The following IGSF22 variants were observed in gnomAD, a reference collection of about 807,000 sequenced individuals.
IGSF22 encodes the protein immunoglobulin superfamily, member 22.
IGSF22 carries 119 observed loss-of-function variants against 127.0 expected under a neutral mutation model. That is an observed-to-expected ratio of 0.94 (90% CI 0.81 to 1.09). The LOEUF (loss-of-function observed/expected upper bound fraction) is 1.09, where lower values mean the gene tolerates loss of function less well. Among genes scored for constraint, IGSF22 ranks in the 50% least tolerant of loss-of-function variants. The probability of loss-of-function intolerance (pLI) is 0.00; values close to 1 mark genes in which losing one functional copy is unlikely to be tolerated. For synonymous variants in IGSF22, 568 were observed against 664.7 expected (o/e 0.85, Z 2.24); for missense variants, 1,518 against 1,716.6 (o/e 0.88, Z 2.04).
chr11:18,722,068 TG>T (rs1848584747), intron 2 of IGSF22, 27 bp from the exon 3 acceptor site: 3 of 1,612,818 alleles, frequency 1.9e-6, no homozygotes, highest in Non-Finnish European at 2.5e-6. Flanking sequence ...GAGGTCAGAA[TG>T]GGCTCCAGGT....
At position 18,715,460 on chromosome 11, in the gene IGSF22, G is replaced by C; in HGVS notation, c.1503C>G (p.Tyr501Ter). 6.2e-7 allele frequency: 1 copy of C among 1,613,160 alleles called. No individual in the cohort carries two copies. Among genetic ancestry groups the C allele is most frequent in the Non-Finnish European group, 8.5e-7 (1 of 1,179,882 alleles). ...VAMQDGDPTE[Y>*]YSTAIVTVEE... ...CCACAGTGACGATGGCAGTACTGTA[G>C]TATTCAGTAGGGTCTCCATCCTGCA... The change falls in exon 11 of 23, where the codon TAC becomes TAG. Residue 501 changes from tyrosine (Y) to a stop codon, truncating the protein, a stop_gained. Transcript: ENST00000513874. LOFTEE classifies it high-confidence loss of function.
Position 18,714,638 on chromosome 11 carries a change from TG to T in IGSF22, c.1532-15del. On this transcript the variant is annotated splice_polypyrimidine_tract_variant and intron_variant, in intron 11 of 22. Transcript: ENST00000513874. ...TGGCCAGACGCTCTGGGGAGAAAGG[TG>T]GGCAAGGGACTGGCTCAGGATGTTG... 1 of 1,613,340 alleles carries T rather than the reference TG, an allele frequency of 6.2e-7. No homozygotes were observed. The highest frequency in any genetic ancestry group is 1.1e-5 in the South Asian group (1 of 91,062).
Position 18,710,344 on chromosome 11 carries a change from A to G in IGSF22, c.2684T>C (p.Val895Ala). ...ATACTCACTAACAGGATCCTTGGCC[A>G]CTACTGAGCTGGATGGCACACTGGG... ...GQPSVPSSSV[V>A]AKDPVKPPGL... Residue 895 changes from valine to alanine, a missense_variant, in exon 17 of 23, where the codon GTG (valine) becomes GCG (alanine). Val to Ala is a moderately conservative substitution (Grantham distance 64, BLOSUM62 0). Coordinates refer to ENST00000513874, the MANE Select transcript of IGSF22 (RefSeq NM_173588.4). 6.2e-7 allele frequency: 1 copy of G among 1,614,140 alleles called. No homozygotes were observed. The highest frequency in any genetic ancestry group is 8.5e-7 in the Non-Finnish European group (1 of 1,180,004).
intron 4 of IGSF22, among the ~76,000 whole-genome samples, chr11:18,721,299 C>T (rs1848566800): frequency 6.6e-6 from 1 of 152,260 alleles, no homozygotes; most frequent in Admixed American, 6.5e-5. Context: ...GGCTCTGCCC[C>T]TGCTCTGCTC....
intron 2 of IGSF22, among the ~76,000 whole-genome samples, chr11:18,723,599 C>T (rs1848607016): frequency 6.6e-6 from 1 of 152,244 alleles, no homozygotes; most frequent in African/African-American, 2.4e-5. Context: ...AGCTCTGAGA[C>T]CATTTCTCAG....
intron 3 of IGSF22, 78 bp from the exon 4 acceptor site, chr11:18,721,749 C>T: frequency 1.2e-6 from 2 of 1,600,280 alleles, no homozygotes; most frequent in Non-Finnish European, 1.7e-6. Context: ...GGCTCTCTGC[C>T]TCCTCCCAGA....
intron 1 of IGSF22, 84 bp from the exon 2 acceptor site, chr11:18,724,353 G>A (rs978094968): frequency 1.3e-5 from 9 of 694,006 alleles, no homozygotes; most frequent in Non-Finnish European, 1.8e-5. Context: ...TCAGACATAA[G>A]AGGAGATGGA....
At chr11:18,711,518 C>T (rs1022465382) in intron 15 of IGSF22, among the ~76,000 whole-genome samples, 1 of 152,168 alleles carries the variant, frequency 6.6e-6, no homozygotes, top group Non-Finnish European at 1.5e-5. Context: ...TTGCCTCAAC[C>T]TCCCGAGTAG....
At chr11:18,705,695 T>C in intron 22 of IGSF22, 122 bp downstream of exon 22, 1 of 811,540 alleles carries the variant, frequency 1.2e-6, no homozygotes, top group Non-Finnish European at 1.9e-6. Flanking sequence ...TAAGAATGTT[T>C]GCACCACCTG....
chr11:18,713,010 C>T (rs1295574137), intron 14 of IGSF22, among the ~76,000 whole-genome samples: 2 of 152,142 alleles, frequency 1.3e-5, no homozygotes, highest in East Asian at 3.9e-4. Flanking sequence ...CATTCCCAAT[C>T]CCCATTCCAT....
chr11:18,707,760 G>A, intron 20 of IGSF22, 44 bp downstream of exon 20: 2 of 1,497,162 alleles, frequency 1.3e-6, no homozygotes, highest in Admixed American at 2.0e-5. Flanking sequence ...GCTTTGGAGA[G>A]TGTACAGGGA....
intron 15 of IGSF22, among the ~76,000 whole-genome samples, chr11:18,711,369 G>A (rs887847659): frequency 1.3e-5 from 2 of 152,088 alleles, no homozygotes; most frequent in Non-Finnish European, 2.9e-5. Flanking sequence ...AGTTGGGAGA[G>A]GTATAGCAAG....
Position 18,713,871 on chromosome 11 carries a change from A to G in IGSF22, c.2076T>C (p.Thr692=). The G allele has an allele frequency of 6.2e-7, 1 of 1,613,730 alleles. No homozygotes were observed. Among genetic ancestry groups the G allele is most frequent in the Non-Finnish European group, 8.5e-7 (1 of 1,179,846 alleles). The part of the protein sequence containing the change: ...LKNDHGSATA[T]LHLSVLDRPK... ...CCTGACCCAGCACACTAAGGTGCAG[A>G]GTGGCCGTGGCTGAGCCGTGGTCAT... Residue 692 remains threonine (T), a synonymous_variant, in exon 14 of 23, where the codon ACT becomes ACC. Transcript: ENST00000513874.
intron 10 of IGSF22, 115 bp from the exon 11 acceptor site, chr11:18,715,831 A>T: frequency 8.7e-7 from 1 of 1,147,986 alleles, no homozygotes; most frequent in Non-Finnish European, 1.2e-6. Flanking sequence ...AGAACTTGTG[A>T]TGCTGAATGT....
intron 9 of IGSF22, 106 bp downstream of exon 9, chr11:18,717,825 A>G: frequency 8.0e-7 from 1 of 1,250,884 alleles, no homozygotes. Flanking sequence ...TTTCTTGCAC[A>G]GTCCCATAGT....
At chr11:18,706,292 G>A (rs1257618620) in intron 21 of IGSF22, 146 bp from the exon 22 acceptor site, 8 of 791,424 alleles carry the variant, frequency 1.0e-5, no homozygotes, top group Non-Finnish European at 1.6e-5. Context: ...TGTTACACTG[G>A]TTCTTAAGGG....
intron 22 of IGSF22, among the ~76,000 whole-genome samples, chr11:18,705,097 C>A (rs1198206972): frequency 1.3e-4 from 19 of 145,502 alleles, no homozygotes; most frequent in Admixed American, 1.3e-3. Context: ...ATGGAGACCA[C>A]AGCAATGGAG....
intron 22 of IGSF22, chr11:18,705,452 C>G (rs578058375): frequency 4.7e-6 from 1 of 212,694 alleles, no homozygotes; most frequent in African/African-American, 2.3e-5. Flanking sequence ...CAGAATCACC[C>G]GCAAAATTTT....
At chr11:18,712,515 CCT>C (rs1848376664) in intron 14 of IGSF22, 131 bp from the exon 15 acceptor site, 1 of 746,246 alleles carries the variant, frequency 1.3e-6, no homozygotes, top group Non-Finnish European at 2.1e-6. Flanking sequence ...TTTGCCCCTC[CCT>C]GTGTCCACCA....
Sources: gnomAD v4.1 joint callset for allele counts (sites outside exome capture counted in the v4.1 genomes callset) on GRCh38, gnomAD v4.1.1 for gene constraint, MANE v1.5 for transcripts, NCBI Gene and HGNC (gene_info 2026-07-23, HGNC 2026-07-21) for gene names.